Variants in ROBO2 observed in about 807,000 individuals in gnomAD.
The protein encoded by ROBO2 is roundabout homolog 2.
In ROBO2, 53 loss-of-function variants were observed where a neutral mutation model predicts 160.8. The ratio of observed to expected loss-of-function variants is 0.33; its 90% confidence interval spans 0.26 to 0.41. ROBO2 has a LOEUF of 0.41. ROBO2 is among the 10% of genes least tolerant of loss of function. The probability of loss-of-function intolerance (pLI) is 1.00; values close to 1 mark genes in which losing one functional copy is unlikely to be tolerated. For synonymous variants in ROBO2, 664 were observed against 611.7 expected, an observed-to-expected ratio of 1.09 and a Z score of -1.26; for missense variants, 1,577 against 1,722.4, an observed-to-expected ratio of 0.92 and a Z score of 1.49.
chr3:76,840,392 G>A (rs1306834821), intron 2 of ROBO2, among the ~76,000 whole-genome samples: 1 of 151,238 alleles, frequency 6.6e-6, no homozygotes, highest in African/African-American at 2.4e-5. Flanking sequence ...GGCGGATCAC[G>A]AGGTCAGGAG....
At chr3:76,885,353 G>A (rs1577249788) in intron 2 of ROBO2, among the ~76,000 whole-genome samples, 1 of 152,006 alleles carries the variant, frequency 6.6e-6, no homozygotes, top group Non-Finnish European at 1.5e-5. Flanking sequence ...AATTTTCTCC[G>A]ATGCAAAATG....
intron 2 of ROBO2, among the ~76,000 whole-genome samples, chr3:77,431,340 G>A (rs1334511959): frequency 2.0e-5 from 3 of 152,174 alleles, no homozygotes; most frequent in African/African-American, 7.2e-5. Context: ...CCACAATGGA[G>A]AAATAATATA....
chr3:76,699,152 T>A (rs1237206744), intron 2 of ROBO2, among the ~76,000 whole-genome samples: 3 of 152,190 alleles, frequency 2.0e-5, no homozygotes, highest in Admixed American at 6.6e-5. Flanking sequence ...TTTAACATTG[T>A]CAGTATCAGA....
Position 77,618,439 on chromosome 3 carries a change from A to G in ROBO2, c.3554+666A>G, listed in dbSNP as rs1162059604. The stretch of plus-strand genomic sequence containing the variant: ...GGTATCCTGTGGAATTAACACAGAT[A>G]TATAAATGGGACTAACGCTAACAGT... On this transcript the variant is annotated intron_variant, in intron 22 of 25. Transcript: ENST00000461745. Among the ~76,000 whole-genome samples, 4 of 152,216 alleles carry G rather than the reference A, an allele frequency of 2.6e-5. No homozygotes were observed. In the East Asian group the frequency reaches 7.7e-4, roughly 29 times the overall value.
At chr3:75,955,414 C>T (rs1300488309) in intron 2 of ROBO2, among the ~76,000 whole-genome samples, 1 of 151,500 alleles carries the variant, frequency 6.6e-6, no homozygotes, top group Non-Finnish European at 1.5e-5. Flanking sequence ...TAACTTCTTT[C>T]CAGGCTTTCC....
At chr3:76,025,689 G>C (rs560003937) in intron 2 of ROBO2, among the ~76,000 whole-genome samples, 1 of 151,826 alleles carries the variant, frequency 6.6e-6, no homozygotes, top group South Asian at 2.1e-4. Context: ...TGTAAAGAAA[G>C]CCCACATTAA....
chr3:77,584,933 C>T (rs1328645526), intron 16 of ROBO2, among the ~76,000 whole-genome samples: 4 of 144,990 alleles, frequency 2.8e-5, no homozygotes, highest in African/African-American at 7.6e-5. Context: ...CATATATATA[C>T]ATATATATAT....
At chr3:77,354,994 T>G (rs978157900) in intron 2 of ROBO2, among the ~76,000 whole-genome samples, 1 of 152,212 alleles carries the variant, frequency 6.6e-6, no homozygotes, top group Non-Finnish European at 1.5e-5. Flanking sequence ...ATTTACTTTT[T>G]TAGCATAAAG....
intron 2 of ROBO2, among the ~76,000 whole-genome samples, chr3:77,012,625 A>G (rs936878089): frequency 6.6e-6 from 1 of 152,196 alleles, no homozygotes; most frequent in Non-Finnish European, 1.5e-5. Flanking sequence ...GCCACTGGGT[A>G]AGAAGCTTTT....
intron 6 of ROBO2, among the ~76,000 whole-genome samples, chr3:77,541,211 C>A (rs1037562717): frequency 1.3e-5 from 2 of 152,214 alleles, no homozygotes; most frequent in Non-Finnish European, 2.9e-5. Flanking sequence ...TCTCTCCATG[C>A]TAATGCCTGC....
intron 2 of ROBO2, among the ~76,000 whole-genome samples, chr3:76,750,564 A>C (rs1378343933): frequency 6.6e-6 from 1 of 152,164 alleles, no homozygotes; most frequent in Non-Finnish European, 1.5e-5. Flanking sequence ...TCTCAGCCCC[A>C]AATCTCCTTA....
At chr3:75,942,046 C>T (rs1466411964) in intron 2 of ROBO2, among the ~76,000 whole-genome samples, 1 of 152,064 alleles carries the variant, frequency 6.6e-6, no homozygotes, top group African/African-American at 2.4e-5. Context: ...TTATTGTTCC[C>T]TTCATTTTCT....
chr3:77,576,287 T>C (rs954927534), intron 14 of ROBO2, among the ~76,000 whole-genome samples: 5 of 152,058 alleles, frequency 3.3e-5, no homozygotes, highest in African/African-American at 9.7e-5. Context: ...TGGCTATACC[T>C]AAGTGAAATA....
exon 16 of ROBO2, chr3:77,580,000 A>C: frequency 6.2e-7 from 1 of 1,613,874 alleles, no homozygotes; most frequent in African/African-American, 1.3e-5. Context: ...CTGTGGATGC[A>C]GCCATTCGGT....
intron 2 of ROBO2, among the ~76,000 whole-genome samples, chr3:77,028,568 A>G (rs1252232927): frequency 6.6e-6 from 1 of 151,980 alleles, no homozygotes; most frequent in Non-Finnish European, 1.5e-5. Context: ...AAAATACAAA[A>G]AACTAACTGG....
chr3:77,200,124 A>G (rs2082692857), intron 2 of ROBO2, among the ~76,000 whole-genome samples: 1 of 150,704 alleles, frequency 6.6e-6, no homozygotes, highest in South Asian at 2.1e-4. Flanking sequence ...ACACAAAGCT[A>G]TCTACTATTT....
intron 2 of ROBO2, among the ~76,000 whole-genome samples, chr3:77,398,129 C>CA (rs1169118374): frequency 1.3e-5 from 2 of 151,820 alleles, no homozygotes; most frequent in African/African-American, 2.4e-5. Context: ...AATGAGATAA[C>CA]TAGGATCATT....
chr3:76,309,678 C>T (rs1420337940), intron 2 of ROBO2, among the ~76,000 whole-genome samples: 2 of 152,076 alleles, frequency 1.3e-5, no homozygotes, highest in South Asian at 2.1e-4. Flanking sequence ...TACATAAGTG[C>T]ATAATTCATG....
intron 2 of ROBO2, among the ~76,000 whole-genome samples, chr3:77,398,211 A>G (rs913000196): frequency 6.6e-6 from 1 of 152,118 alleles, no homozygotes; most frequent in African/African-American, 2.4e-5. Context: ...AACTCTTTTG[A>G]TGCAGGAAAA....
Sources: gnomAD v4.1 joint callset for allele counts (sites outside exome capture counted in the v4.1 genomes callset) on GRCh38, gnomAD v4.1.1 for gene constraint, MANE v1.5 for transcripts, NCBI Gene and HGNC (gene_info 2026-07-23, HGNC 2026-07-21) for gene names.